The following CHD9 variants were observed in gnomAD, a reference collection of about 807,000 sequenced individuals.
The protein encoded by CHD9 is ATP-dependent chromatin remodeler CHD9.
In CHD9, 77 loss-of-function variants were observed where a neutral mutation model predicts 316.1. The observed-to-expected ratio is 0.24, with a 90% CI of 0.20 to 0.29. The LOEUF (loss-of-function observed/expected upper bound fraction) is 0.29. Among genes scored for constraint, CHD9 ranks in the 10% least tolerant of loss-of-function variants. The probability of loss-of-function intolerance (pLI) is 1.00; values close to 1 mark genes in which losing one functional copy is unlikely to be tolerated. For missense variants in CHD9, 2,763 were observed against 3,438.1 expected (o/e 0.80, Z 4.91); for synonymous variants, 1,129 against 1,158.3 (o/e 0.97, Z 0.51).
At chr16:53,319,942 C>T (rs2057150573) in intron 37 of CHD9, 4 of 734,122 alleles carry the variant, frequency 5.4e-6, no homozygotes, top group African/African-American at 1.9e-5. Flanking sequence ...AACAGAATTA[C>T]AGAGACTAAG....
chr16:53,308,034 T>G, intron 33 of CHD9, 81 bp downstream of exon 33: 1 of 1,210,318 alleles, frequency 8.3e-7, no homozygotes. Context: ...CTGCCTGCTC[T>G]TACTCTTCCT....
intron 3 of CHD9, among the ~76,000 whole-genome samples, chr16:53,220,438 T>C (rs563623412): frequency 3.3e-4 from 51 of 152,306 alleles, no homozygotes; most frequent in Middle Eastern, 3.4e-3. Context: ...TATATCTTTC[T>C]TTACCTCTTC....
intron 2 of CHD9, among the ~76,000 whole-genome samples, chr16:53,207,034 T>C (rs2045946906): frequency 6.6e-6 from 1 of 152,174 alleles, no homozygotes; most frequent in South Asian, 2.1e-4. Context: ...GATGGGTCTT[T>C]CTAGAGCCCT....
intron 2 of CHD9, among the ~76,000 whole-genome samples, chr16:53,178,059 G>A (rs1195133925): frequency 6.6e-6 from 1 of 152,194 alleles, no homozygotes; most frequent in South Asian, 2.1e-4. Flanking sequence ...GGCTCAGGCA[G>A]GTTCTGCAAG....
chr16:53,135,667 C>T (rs751882615), intron 1 of CHD9, among the ~76,000 whole-genome samples: 1 of 152,164 alleles, frequency 6.6e-6, no homozygotes, highest in Non-Finnish European at 1.5e-5. Context: ...CATCCCTGGA[C>T]AAGTGCTTCA....
intron 2 of CHD9, among the ~76,000 whole-genome samples, chr16:53,198,878 GA>G (rs2045192587): frequency 1.3e-5 from 2 of 152,128 alleles, no homozygotes; most frequent in Admixed American, 1.3e-4. Flanking sequence ...ATTTCCTATA[GA>G]TAAGTCTTTG....
Position 53,327,444 on chromosome 16 carries a change from T to C in CHD9, c.*2549T>C, listed in dbSNP as rs1049418305. Reference sequence around the variant, plus strand: ...TATTAAATTACTTTCTATGATGTTCTATAGAGCAAATGGAAGTTTAATTAT... The same window carrying C: ...TATTAAATTACTTTCTATGATGTTCCATAGAGCAAATGGAAGTTTAATTAT... On this transcript the variant is annotated 3_prime_UTR_variant, in exon 39 of 39. Transcript: ENST00000447540. 1 of 152,608 alleles carries C rather than the reference T, an allele frequency of 6.6e-6. No homozygotes were observed. Among genetic ancestry groups the C allele is most frequent in the African/African-American group, 2.4e-5 (1 of 41,460 alleles). The allele number at this position is 152,608 out of a possible 1,614,324, so 9.5% of individuals were successfully genotyped here.
chr16:53,066,366 TAAAG>T (rs1314484109), intron 1 of CHD9, among the ~76,000 whole-genome samples: 3 of 152,212 alleles, frequency 2.0e-5, no homozygotes, highest in African/African-American at 7.2e-5. Context: ...TATGCTTAAC[TAAAG>T]AGTTAGGAGT....
chr16:53,235,345 A>T, intron 11 of CHD9, 39 bp downstream of exon 11: 1 of 1,379,336 alleles, frequency 7.2e-7, no homozygotes, highest in Non-Finnish European at 9.9e-7. Context: ...TTATTTTTTT[A>T]ATGTGTGCCA....
At chr16:53,208,808 A>G (rs1355874545) in intron 2 of CHD9, 2 of 556,282 alleles carry the variant, frequency 3.6e-6, no homozygotes, top group Admixed American at 6.3e-5. Context: ...TTCCTGTGAT[A>G]TTGCTAAATA....
intron 2 of CHD9, among the ~76,000 whole-genome samples, chr16:53,180,333 A>G (rs527414853): frequency 6.6e-6 from 1 of 152,140 alleles, no homozygotes; most frequent in African/African-American, 2.4e-5. Flanking sequence ...GTGCTTTCCC[A>G]ATTTAGTTTT....
chr16:53,115,161 T>C (rs1255904867), intron 1 of CHD9, among the ~76,000 whole-genome samples: 3 of 152,170 alleles, frequency 2.0e-5, no homozygotes, highest in African/African-American at 7.2e-5. Flanking sequence ...CTTGTGATAA[T>C]GAGGCAAATG....
intron 30 of CHD9, among the ~76,000 whole-genome samples, chr16:53,300,308 G>A (rs2055248004): frequency 1.3e-5 from 2 of 151,876 alleles, no homozygotes; most frequent in African/African-American, 4.8e-5. Flanking sequence ...AGCTGAGATC[G>A]TGCCATTGCA....
chr16:53,153,439 AATTTTTT>A (rs1194004607), intron 1 of CHD9, among the ~76,000 whole-genome samples: 1 of 152,174 alleles, frequency 6.6e-6, no homozygotes, highest in African/African-American at 2.4e-5. Flanking sequence ...GGAGAGTTTT[AATTTTTT>A]ATTGCTTATT....
intron 1 of CHD9, among the ~76,000 whole-genome samples, chr16:53,073,155 C>T (rs907490735): frequency 3.3e-5 from 5 of 152,190 alleles, no homozygotes; most frequent in Admixed American, 3.3e-4. Context: ...CTCCCCGTAG[C>T]CCTGGCAACA....
In CHD9 at chr16:53,146,419, G is replaced by GTATATATATATATATATATA. The variant is rs757165644; in HGVS notation, c.-164-9489_-164-9488insTATATATATATATATATATA. On this transcript the variant is annotated intron_variant, in intron 1 of 38. Transcript: ENST00000447540. ...AAAAAAAAATTGTGTGTGTGTGTAT[G>GTATATATATATATATATATA]TATATATATATATATATAATTAAAA... 1.3e-3 allele frequency among the ~76,000 whole-genome samples: 96 copies of GTATATATATATATATATATA among 76,674 alleles called. 3 individuals carry two copies. The highest frequency in any genetic ancestry group is 1.8e-3 in the Non-Finnish European group (75 of 41,432). The allele number at this position is 76,674 out of a possible 152,430, so 50.3% of individuals were successfully genotyped here.
intron 24 of CHD9, among the ~76,000 whole-genome samples, chr16:53,282,075 T>C (rs2053467246): frequency 6.6e-6 from 1 of 152,158 alleles, no homozygotes; most frequent in South Asian, 2.1e-4. Context: ...CCTGACTGGA[T>C]CTGATCCACT....
At chr16:53,312,395 C>T (rs1254925561) in intron 34 of CHD9, among the ~76,000 whole-genome samples, 1 of 152,018 alleles carries the variant, frequency 6.6e-6, no homozygotes, top group Non-Finnish European at 1.5e-5. Context: ...TAGCCAGAGT[C>T]CTGTGGAAGA....
intron 2 of CHD9, among the ~76,000 whole-genome samples, chr16:53,194,443 G>A (rs918169689): frequency 2.0e-5 from 3 of 151,942 alleles, no homozygotes; most frequent in Admixed American, 6.6e-5. Context: ...GCATAGTGAC[G>A]CAGGCCTGTA....
Sources: allele counts gnomAD v4.1 joint callset (sites outside exome capture counted in the v4.1 genomes callset), GRCh38; gene constraint gnomAD v4.1.1; transcripts MANE v1.5; gene names NCBI Gene and HGNC (gene_info 2026-07-23, HGNC 2026-07-21).